The following RASGRF2 variants were observed in gnomAD, a reference collection of about 807,000 sequenced individuals.
RASGRF2 encodes the protein ras-specific guanine nucleotide-releasing factor 2.
In RASGRF2, 76 loss-of-function variants were observed where a neutral mutation model predicts 151.0. The ratio of observed to expected loss-of-function variants is 0.50; its 90% CI spans 0.42 to 0.61. The LOEUF is 0.61. Among genes scored for constraint, RASGRF2 ranks in the 20% least tolerant of loss-of-function variants. The pLI, the probability that RASGRF2 is intolerant of heterozygous loss-of-function variation, is 0.00. For synonymous variants in RASGRF2, 504 were observed against 566.5 expected, an observed-to-expected ratio of 0.89 and a Z score of 1.57; for missense variants, 1,148 against 1,564.6, an observed-to-expected ratio of 0.73 and a Z score of 4.49.
At chr5:81,213,227 T>C (rs1205134986) in intron 23 of RASGRF2, among the ~76,000 whole-genome samples, 4 of 152,170 alleles carry the variant, frequency 2.6e-5, no homozygotes, top group Admixed American at 2.0e-4. Flanking sequence ...TGATGATTCA[T>C]TGGGTACAGG....
intron 12 of RASGRF2, among the ~76,000 whole-genome samples, chr5:81,103,299 G>A (rs537553613): frequency 1.3e-5 from 2 of 151,724 alleles, no homozygotes; most frequent in Admixed American, 6.6e-5. Flanking sequence ...TAGAATATAG[G>A]TATAGCTATA....
chr5:81,084,678 A>C (rs1752178742), intron 7 of RASGRF2, among the ~76,000 whole-genome samples: 1 of 152,248 alleles, frequency 6.6e-6, no homozygotes, highest in South Asian at 2.1e-4. Flanking sequence ...CCACTTGCAC[A>C]AGAGCCAATG....
At chr5:81,138,833 G>A (rs1323310719) in intron 17 of RASGRF2, among the ~76,000 whole-genome samples, 1 of 151,952 alleles carries the variant, frequency 6.6e-6, no homozygotes, top group East Asian at 1.9e-4. Context: ...GTGTGTCCAA[G>A]AAAAGTTGTT....
At chr5:81,221,025 G>T (rs1260435089) in intron 26 of RASGRF2, among the ~76,000 whole-genome samples, 1 of 152,154 alleles carries the variant, frequency 6.6e-6, no homozygotes, top group East Asian at 1.9e-4. Context: ...CTCAGGGTTA[G>T]CCTGGGGTTA....
rs1193398820 is a variant in RASGRF2 at position 81,010,911 on chromosome 5, A to G, written c.289-31966A>G. 2.6e-5 allele frequency among the ~76,000 whole-genome samples: 4 copies of G among 152,318 alleles called. No individual in the cohort carries two copies. The South Asian group carries it at 8.3e-4, about 32-fold the overall frequency. On this transcript the variant is annotated intron_variant, in intron 1 of 26. Coordinates refer to ENST00000265080, the MANE Select transcript of RASGRF2 (RefSeq NM_006909.3). Reference sequence around the variant, plus strand: ...TCATTGTATATTTTTCTACTTCTAAATAAATGCATACCAAATAGCTCTCTT... The same window carrying G: ...TCATTGTATATTTTTCTACTTCTAAGTAAATGCATACCAAATAGCTCTCTT...
intron 1 of RASGRF2, among the ~76,000 whole-genome samples, chr5:81,011,177 T>A (rs890209671): frequency 6.6e-6 from 1 of 152,242 alleles, no homozygotes; most frequent in African/African-American, 2.4e-5. Flanking sequence ...GTTACTTTTA[T>A]GAATACTTTT....
At chr5:80,996,505 C>CTTCTTCTTCTTCTTCTTCTTCTTCT (rs56082157) in intron 1 of RASGRF2, among the ~76,000 whole-genome samples, 1,117 of 47,776 alleles carry the variant, frequency 0.023, 285 homozygotes, top group South Asian at 0.043. Flanking sequence ...CTTCTTCTTC[C>CTTCTTCTTCTTCTTCTTCTTCTTCT]TCCTCCTCCT....
At chr5:81,003,745 G>A (rs541018883) in intron 1 of RASGRF2, among the ~76,000 whole-genome samples, 135 of 152,270 alleles carry the variant, frequency 8.9e-4, no homozygotes, top group Non-Finnish European at 1.5e-3. Flanking sequence ...ATGTTTACTT[G>A]CAGGTATCAA....
At chr5:81,058,564 A>G (rs758814382) in intron 2 of RASGRF2, among the ~76,000 whole-genome samples, 1 of 152,180 alleles carries the variant, frequency 6.6e-6, no homozygotes, top group Admixed American at 6.5e-5. Flanking sequence ...AATGAAATCA[A>G]TGGCATGACC....
intron 7 of RASGRF2, among the ~76,000 whole-genome samples, chr5:81,084,813 G>T (rs1752182737): frequency 6.6e-6 from 1 of 152,184 alleles, no homozygotes; most frequent in South Asian, 2.1e-4. Flanking sequence ...TGAGACCTCA[G>T]TCCCCGCAGA....
At chr5:81,172,660 C>G (rs1754684967) in intron 17 of RASGRF2, among the ~76,000 whole-genome samples, 2 of 152,156 alleles carry the variant, frequency 1.3e-5, no homozygotes, top group Non-Finnish European at 1.5e-5. Context: ...AGAAACTGCC[C>G]CTTCACATTC....
At chr5:81,016,434 C>A (rs1323889693) in intron 1 of RASGRF2, among the ~76,000 whole-genome samples, 5 of 152,166 alleles carry the variant, frequency 3.3e-5, no homozygotes, top group South Asian at 2.1e-4. Context: ...ATATTAAATT[C>A]TCTTAGGCAT....
intron 18 of RASGRF2, chr5:81,183,275 CAG>C (rs754972952): frequency 8.2e-5 from 81 of 982,384 alleles, no homozygotes; most frequent in Non-Finnish European, 8.8e-5. Context: ...AAGGCTGCCA[CAG>C]AGTGTTCGAC....
intron 4 of RASGRF2, among the ~76,000 whole-genome samples, chr5:81,070,786 T>C (rs1751750850): frequency 6.6e-6 from 1 of 152,124 alleles, no homozygotes; most frequent in Non-Finnish European, 1.5e-5. Flanking sequence ...CTAGGAAGGA[T>C]GCCAAAACCA....
chr5:81,028,536 A>G (rs1326973707), intron 1 of RASGRF2, among the ~76,000 whole-genome samples: 1 of 152,198 alleles, frequency 6.6e-6, no homozygotes, highest in African/African-American at 2.4e-5. Context: ...GGACTCATAA[A>G]GATATGGAAA....
chr5:81,168,154 C>G (rs1754555767), intron 17 of RASGRF2, among the ~76,000 whole-genome samples: 1 of 152,078 alleles, frequency 6.6e-6, no homozygotes, highest in Admixed American at 6.6e-5. Context: ...ATCATCCCCA[C>G]ACTGCCCTTG....
At chr5:81,031,657 T>G (rs1033339042) in intron 1 of RASGRF2, among the ~76,000 whole-genome samples, 15 of 152,170 alleles carry the variant, frequency 9.9e-5, no homozygotes, top group South Asian at 6.2e-4. Flanking sequence ...GCAGTGTGTA[T>G]AGGAAAATTT....
intron 1 of RASGRF2, chr5:80,997,153 G>C (rs1386835019): frequency 1.3e-5 from 2 of 152,128 alleles, no homozygotes; most frequent in Non-Finnish European, 2.9e-5. Context: ...TTCCCTCTAG[G>C]TAAGGAGTTG....
At chr5:81,194,715 T>C (rs1474855118) in intron 18 of RASGRF2, among the ~76,000 whole-genome samples, 1 of 152,182 alleles carries the variant, frequency 6.6e-6, no homozygotes, top group East Asian at 1.9e-4. Flanking sequence ...GCCCAGCCTC[T>C]CCTAAGGGTC....
Sources: allele counts gnomAD v4.1 joint callset (sites outside exome capture counted in the v4.1 genomes callset), GRCh38; gene constraint gnomAD v4.1.1; transcripts MANE v1.5; gene names NCBI Gene and HGNC (gene_info 2026-07-23, HGNC 2026-07-21).